The following CDK14 variants were observed in gnomAD, a reference collection of about 807,000 sequenced individuals.
The protein encoded by CDK14 is cyclin-dependent kinase 14.
Under a neutral mutation model 60.7 loss-of-function variants are expected in CDK14, and 34 were observed. That is an observed-to-expected ratio of 0.56 (90% CI 0.43 to 0.75). CDK14 has a LOEUF of 0.75. CDK14 is among the 30% of genes least tolerant of loss of function. CDK14 has a pLI of 0.00. For synonymous variants in CDK14, 197 were observed against 203.7 expected (o/e 0.97, Z 0.28); for missense variants, 482 against 564.1 (o/e 0.85, Z 1.47).
chr7:90,629,986 C>A (rs923627972), intron 2 of CDK14, among the ~76,000 whole-genome samples: 8 of 151,946 alleles, frequency 5.3e-5, no homozygotes, highest in African/African-American at 1.2e-4. Context: ...AAGATAGCGG[C>A]CAAGATAGTG....
At chr7:90,928,057 G>A (rs1793474532) in intron 8 of CDK14, among the ~76,000 whole-genome samples, 1 of 152,028 alleles carries the variant, frequency 6.6e-6, no homozygotes, top group Non-Finnish European at 1.5e-5. Context: ...ATGGTTTTCA[G>A]CTCCATCAGC....
chr7:91,169,932 C>G (rs1021488334), intron 14 of CDK14, among the ~76,000 whole-genome samples: 1 of 152,206 alleles, frequency 6.6e-6, no homozygotes, highest in African/African-American at 2.4e-5. Flanking sequence ...CAGTACCCTG[C>G]GTTATCATGG....
chr7:90,817,260 A>G (rs1172794124), intron 5 of CDK14, among the ~76,000 whole-genome samples: 1 of 152,220 alleles, frequency 6.6e-6, no homozygotes, highest in African/African-American at 2.4e-5. Flanking sequence ...AGTATGGGTC[A>G]TTTATATATT....
chr7:91,206,038 C>G (rs971313747), intron 14 of CDK14, among the ~76,000 whole-genome samples: 4 of 152,144 alleles, frequency 2.6e-5, no homozygotes, highest in Non-Finnish European at 5.9e-5. Flanking sequence ...TCGTGATCTG[C>G]CCGTCTCGGC....
chr7:90,726,801 A>C lies in CDK14; in HGVS notation c.358A>C (p.Ser120Arg), dbSNP rs754614156. 2 of 1,613,464 alleles carry C rather than the reference A, an allele frequency of 1.2e-6. No homozygotes were observed. Among genetic ancestry groups the C allele is most frequent in the African/African-American group, 2.7e-5 (2 of 74,912 alleles). The change falls in exon 3 of 15, where the codon AGC becomes CGC. Residue 120 changes from serine to arginine, a missense_variant. Transcript: ENST00000380050. ...GTCACCTAAAGTTAGGCGGCACTCC[A>C]GCCCCAGCTCGGTAAGTGCAGTCTT... ...KESPKVRRHS[S>R]PSSPTSPKFG...
chr7:90,636,953 T>G (rs1160555955), intron 2 of CDK14, among the ~76,000 whole-genome samples: 3 of 151,378 alleles, frequency 2.0e-5, no homozygotes, highest in Admixed American at 2.0e-4. Context: ...TGATGGTAGT[T>G]TGTATTTCTG....
chr7:91,190,271 T>A (rs527317656), intron 14 of CDK14, among the ~76,000 whole-genome samples: 2 of 152,002 alleles, frequency 1.3e-5, no homozygotes, highest in Admixed American at 6.6e-5. Flanking sequence ...TGAACCAAGA[T>A]AAATAGTGGC....
intron 9 of CDK14, among the ~76,000 whole-genome samples, chr7:90,979,215 T>C (rs140400017): frequency 6.6e-6 from 1 of 152,312 alleles, no homozygotes; most frequent in East Asian, 1.9e-4. Flanking sequence ...TCTTTCGATA[T>C]TTTTCAACCA....
intron 9 of CDK14, among the ~76,000 whole-genome samples, chr7:90,966,351 T>C (rs958461621): frequency 2.0e-5 from 3 of 152,168 alleles, no homozygotes; most frequent in African/African-American, 4.8e-5. Flanking sequence ...GCACTATAAA[T>C]CTATACACTT....
At chr7:90,601,214 T>C (rs1460816908) in intron 1 of CDK14, among the ~76,000 whole-genome samples, 2 of 152,252 alleles carry the variant, frequency 1.3e-5, no homozygotes, top group Admixed American at 1.3e-4. Flanking sequence ...TGTTACTCCA[T>C]GAAATCCTTA....
chr7:90,771,096 C>A (rs1166930382), intron 4 of CDK14, among the ~76,000 whole-genome samples: 3 of 152,156 alleles, frequency 2.0e-5, no homozygotes, highest in Non-Finnish European at 2.9e-5. Context: ...TTCCATCCAC[C>A]AATCCCCCAG....
intron 10 of CDK14, among the ~76,000 whole-genome samples, chr7:91,043,848 C>G (rs1284585669): frequency 6.6e-6 from 1 of 152,194 alleles, no homozygotes; most frequent in Non-Finnish European, 1.5e-5. Flanking sequence ...AATCCTGATT[C>G]ACCAGAGTAG....
intron 5 of CDK14, among the ~76,000 whole-genome samples, chr7:90,810,691 T>C (rs929527041): frequency 2.0e-5 from 3 of 152,080 alleles, no homozygotes; most frequent in East Asian, 1.9e-4. Context: ...TGTTTGCAGA[T>C]GACATGATTG....
intron 12 of CDK14, among the ~76,000 whole-genome samples, chr7:91,099,423 C>T (rs529537822): frequency 1.3e-4 from 20 of 152,214 alleles, no homozygotes; most frequent in African/African-American, 4.6e-4. Context: ...TCAGTTGAAA[C>T]AGTGCTTTAA....
chr7:91,182,219 T>A (rs1020751693), intron 14 of CDK14, among the ~76,000 whole-genome samples: 1 of 152,168 alleles, frequency 6.6e-6, no homozygotes, highest in African/African-American at 2.4e-5. Context: ...TTCTTCCTTT[T>A]TTCTCTTTTT....
At chr7:91,081,248 T>G (rs1798475551) in intron 12 of CDK14, among the ~76,000 whole-genome samples, 4 of 152,196 alleles carry the variant, frequency 2.6e-5, no homozygotes, top group Admixed American at 2.6e-4. Flanking sequence ...CAAATGGTCC[T>G]TGCAACCATC....
intron 6 of CDK14, among the ~76,000 whole-genome samples, chr7:90,864,339 A>T (rs568224765): frequency 5.3e-5 from 8 of 152,278 alleles, no homozygotes; most frequent in Admixed American, 2.6e-4. Flanking sequence ...ATGGATGCAG[A>T]TTCACACATC....
intron 3 of CDK14, among the ~76,000 whole-genome samples, chr7:90,735,057 T>A (rs1391453854): frequency 6.6e-6 from 1 of 152,174 alleles, no homozygotes; most frequent in East Asian, 1.9e-4. Context: ...GTTTTCTTTC[T>A]AACAGGCGCT....
intron 11 of CDK14, among the ~76,000 whole-genome samples, chr7:91,047,203 C>A (rs187061863): frequency 6.6e-6 from 1 of 152,104 alleles, no homozygotes; most frequent in Non-Finnish European, 1.5e-5. Flanking sequence ...AGGTTAACTT[C>A]CCTGTGTTAG....
Sources: gnomAD v4.1 joint callset for allele counts (sites outside exome capture counted in the v4.1 genomes callset) on GRCh38, gnomAD v4.1.1 for gene constraint, MANE v1.5 for transcripts, NCBI Gene and HGNC (gene_info 2026-07-23, HGNC 2026-07-21) for gene names.